Variants in DOCK10 observed in about 807,000 individuals in gnomAD.
The protein encoded by DOCK10 is dedicator of cytokinesis 10.
DOCK10 carries 145 observed loss-of-function variants against 280.1 expected under a neutral mutation model. That is an observed-to-expected ratio of 0.52 (90% confidence interval 0.45 to 0.59). DOCK10 has a LOEUF of 0.59. Ranked by LOEUF, DOCK10 falls within the 20% of genes least tolerant of loss-of-function variation. DOCK10 has a pLI of 0.00. For missense variants in DOCK10, 2,368 were observed against 2,651.7 expected, an observed-to-expected ratio of 0.89 and a Z score of 2.35; for synonymous variants, 915 against 942.2, an observed-to-expected ratio of 0.97 and a Z score of 0.53.
intron 1 of DOCK10, among the ~76,000 whole-genome samples, chr2:225,036,228 A>C (rs1690256933): frequency 6.6e-6 from 1 of 152,180 alleles, no homozygotes; most frequent in Non-Finnish European, 1.5e-5. Flanking sequence ...AACCTGGAAA[A>C]TTAAGTTCAC....
intron 11 of DOCK10, among the ~76,000 whole-genome samples, chr2:224,867,181 C>T (rs564214145): frequency 8.8e-4 from 134 of 152,112 alleles, no homozygotes; most frequent in Non-Finnish European, 1.1e-3. Context: ...CCTCTGCTTC[C>T]GATACAAACA....
chr2:224,766,667 T>C (rs1690093939), intron 55 of DOCK10, among the ~76,000 whole-genome samples: 1 of 152,220 alleles, frequency 6.6e-6, no homozygotes, highest in South Asian at 2.1e-4. Flanking sequence ...TTGTATTGGA[T>C]ACCCATCATC....
chr2:224,824,724 G>A (rs947226985), intron 27 of DOCK10, among the ~76,000 whole-genome samples: 3 of 151,896 alleles, frequency 2.0e-5, no homozygotes, highest in Admixed American at 6.6e-5. Context: ...GTGAGCCCCC[G>A]TGCCCAGCCT....
In DOCK10 at chr2:225,042,282, C is replaced by G. The variant is rs757676269; in HGVS notation, c.93G>C (p.Ala31=). 1 of 1,338,862 alleles carries G rather than the reference C, an allele frequency of 7.5e-7. No homozygotes were observed. Among genetic ancestry groups the G allele is most frequent in the Non-Finnish European group, 9.6e-7 (1 of 1,043,070 alleles). The allele number at this position is 1,338,862 out of a possible 1,614,324, so 82.9% of individuals were successfully genotyped here. A position where few individuals can be genotyped will look rare whatever the true frequency, so the allele number is the denominator to read the frequency against. The change falls in exon 1 of 56, where the codon GCG becomes GCC. Residue 31 remains alanine (A), a synonymous_variant. Transcript: ENST00000258390. This position sits in a 1 kb window ranked among gnomAD's most constrained non-coding sequence, Gnocchi z 5.1. ...ELRHSAASAA[A]VAVSSRQQQR... Reference sequence around the variant, plus strand: ...GCTGCTGCCGGCTGCTGACTGCCACCGCGGCGGCGGACGCGGCGCTGTGCC... The same window carrying G: ...GCTGCTGCCGGCTGCTGACTGCCACGGCGGCGGCGGACGCGGCGCTGTGCC...
intron 1 of DOCK10, among the ~76,000 whole-genome samples, chr2:225,025,529 G>T (rs1689897351): frequency 2.0e-5 from 3 of 152,162 alleles, no homozygotes; most frequent in African/African-American, 7.2e-5. Context: ...AATGAGAAAT[G>T]ATAGGTTGTG....
chr2:224,947,167 G>T, intron 1 of DOCK10: 1 of 687,234 alleles, frequency 1.5e-6, no homozygotes, highest in Non-Finnish European at 2.1e-6. Context: ...TACTGCTTTT[G>T]TGCATATATC....
At chr2:225,036,330 A>G (rs1232794417) in intron 1 of DOCK10, among the ~76,000 whole-genome samples, 2 of 152,204 alleles carry the variant, frequency 1.3e-5, no homozygotes, top group Non-Finnish European at 2.9e-5. Context: ...AATGAACTAA[A>G]TCCCATTTTC....
chr2:224,829,985 A>G (rs1695118091), intron 27 of DOCK10, among the ~76,000 whole-genome samples: 1 of 152,212 alleles, frequency 6.6e-6, no homozygotes, highest in Non-Finnish European at 1.5e-5. Flanking sequence ...CACATCGCTC[A>G]AATGTTCCTT....
chr2:224,868,370 T>C (rs1022871010), intron 11 of DOCK10, among the ~76,000 whole-genome samples: 76 of 152,332 alleles, frequency 5.0e-4, no homozygotes, highest in African/African-American at 1.7e-3. Flanking sequence ...TACATGCACA[T>C]ATATGTAGTT....
chr2:224,960,748 T>TC (rs930636947), intron 1 of DOCK10, among the ~76,000 whole-genome samples: 4 of 141,210 alleles, frequency 2.8e-5, no homozygotes, highest in Non-Finnish European at 6.2e-5. Flanking sequence ...TTTTTTTTTT[T>TC]TTTTTTTTTG....
At position 224,807,995 on chromosome 2, in the gene DOCK10, T is replaced by A; in HGVS notation, c.3501A>T (p.Glu1167Asp). 1 of 1,612,978 alleles carries A rather than the reference T, an allele frequency of 6.2e-7. No homozygotes were observed. The highest frequency in any genetic ancestry group is 8.5e-7 in the Non-Finnish European group (1 of 1,179,418). ...AAGCTAAGTGTCTGACATCTTGGTC[T>A]TCCTGCAGGGCAAAGCCAACTTCTC... ...LLREVGFALQ[E>D]DQDVRHLALA... is the part of the protein sequence containing the mutation. The change falls in exon 32 of 56, where the codon GAA becomes GAT. Residue 1167 changes from glutamate to aspartate, a missense_variant. Transcript: ENST00000258390.
intron 1 of DOCK10, among the ~76,000 whole-genome samples, chr2:224,952,509 G>T (rs1280637776): frequency 1.3e-5 from 2 of 152,020 alleles, no homozygotes; most frequent in Admixed American, 6.5e-5. Context: ...TTGGAAGAAA[G>T]GAAGAAAAAT....
At chr2:225,023,458 G>A (rs771325856) in intron 1 of DOCK10, among the ~76,000 whole-genome samples, 3 of 152,080 alleles carry the variant, frequency 2.0e-5, no homozygotes, top group South Asian at 2.1e-4. Context: ...CATATAAAAC[G>A]ATGCTCTACT....
At chr2:224,800,128 G>A in intron 41 of DOCK10, 23 bp downstream of exon 41, 1 of 1,422,298 alleles carries the variant, frequency 7.0e-7, no homozygotes, top group Non-Finnish European at 9.7e-7. Context: ...ATTTTTTGCA[G>A]AAAATGTTAT....
intron 14 of DOCK10, among the ~76,000 whole-genome samples, chr2:224,857,341 C>T (rs570557305): frequency 2.6e-5 from 4 of 152,252 alleles, no homozygotes; most frequent in Non-Finnish European, 4.4e-5. Flanking sequence ...TAAACCTGGG[C>T]AGGACAGAGT....
intron 37 of DOCK10, 66 bp from the exon 38 acceptor site, chr2:224,804,907 A>G (rs952156844): frequency 3.9e-6 from 5 of 1,290,592 alleles, no homozygotes. Context: ...CTGTTCATCT[A>G]AGTATATTGA....
chr2:224,959,282 CA>C (rs34169050), intron 1 of DOCK10, among the ~76,000 whole-genome samples: 93,122 of 151,898 alleles, frequency 0.61, 28,735 homozygotes, highest in Non-Finnish European at 0.64. Context: ...TGACCTCAGG[CA>C]AAAACAGTAA....
chr2:225,035,544 A>ATATATATATATATATATATAT (rs1559985919), intron 1 of DOCK10, among the ~76,000 whole-genome samples: 2 of 7,612 alleles, frequency 2.6e-4, no homozygotes, highest in African/African-American at 9.7e-4. Flanking sequence ...GATATATATT[A>ATATATATATATATATATATAT]TATATATATA....
chr2:224,876,614 C>A (rs994387668), intron 7 of DOCK10, among the ~76,000 whole-genome samples: 1 of 152,174 alleles, frequency 6.6e-6, no homozygotes, highest in African/African-American at 2.4e-5. Flanking sequence ...GCAGCTCTTA[C>A]CAAGGTCACT....
Sources: allele counts gnomAD v4.1 joint callset (sites outside exome capture counted in the v4.1 genomes callset), GRCh38; gene constraint gnomAD v4.1.1; non-coding constraint Gnocchi (gnomAD v3.1); transcripts MANE v1.5; gene names NCBI Gene and HGNC (gene_info 2026-07-23, HGNC 2026-07-21).